The following FUT8 variants were observed in gnomAD, a reference collection of about 807,000 sequenced individuals.
The protein encoded by FUT8 is alpha-(1,6)-fucosyltransferase.
Under a neutral mutation model 71.3 loss-of-function variants are expected in FUT8, and 29 were observed. The ratio of observed to expected loss-of-function variants is 0.41; its 90% confidence interval spans 0.30 to 0.55. FUT8 has a LOEUF of 0.55. FUT8 is among the 20% of genes least tolerant of loss of function. The pLI is 0.34. For synonymous variants in FUT8, 254 were observed against 239.3 expected (o/e 1.06, Z -0.57); for missense variants, 544 against 702.1 (o/e 0.77, Z 2.55).
intron 6 of FUT8, among the ~76,000 whole-genome samples, chr14:65,644,613 G>A (rs1891035576): frequency 6.6e-6 from 1 of 152,072 alleles, no homozygotes; most frequent in East Asian, 1.9e-4. Flanking sequence ...CGCCTGCCTC[G>A]GCCTCCCAAA....
At chr14:65,415,140 T>G (rs1188219084) in intron 1 of FUT8, among the ~76,000 whole-genome samples, 1 of 152,312 alleles carries the variant, frequency 6.6e-6, no homozygotes, top group East Asian at 1.9e-4. Flanking sequence ...TGTTAACTTA[T>G]TATTTTTAAA....
At position 65,743,164 on chromosome 14, in the gene FUT8, T is replaced by G. The variant is rs1896587485; in HGVS notation, c.*754T>G. On this transcript the variant is annotated 3_prime_UTR_variant, in exon 11 of 11. Transcript: ENST00000673929. ...GGAATTTTGTAAAGTTTCTAGAATT[T>G]TATATCATTGGATGATATGTTGATC... 6.6e-6 allele frequency: 1 copy of G among 152,352 alleles called. No homozygotes were observed. Among genetic ancestry groups the G allele is most frequent in the Non-Finnish European group, 1.5e-5 (1 of 67,902 alleles). 9.4% of individuals were successfully genotyped at this position (152,352 alleles called of 1,614,324 possible).
chr14:65,513,932 G>A (rs1882532242), intron 2 of FUT8, among the ~76,000 whole-genome samples: 1 of 152,168 alleles, frequency 6.6e-6, no homozygotes, highest in Admixed American at 6.5e-5. Context: ...TGCACAGTGA[G>A]TTAACATATA....
intron 2 of FUT8, among the ~76,000 whole-genome samples, chr14:65,484,738 C>CT (rs1157043291): frequency 6.6e-6 from 1 of 152,114 alleles, no homozygotes; most frequent in African/African-American, 2.4e-5. Flanking sequence ...GTTAATCCAA[C>CT]TGTATGTTTC....
intron 7 of FUT8, among the ~76,000 whole-genome samples, chr14:65,686,778 C>A (rs1893307373): frequency 6.6e-6 from 1 of 152,102 alleles, no homozygotes; most frequent in African/African-American, 2.4e-5. Context: ...TTAAGAGAAG[C>A]TGTATTTCCA....
upstream of FUT8, among the ~76,000 whole-genome samples, chr14:65,408,293 T>C (rs964090572): frequency 3.9e-5 from 6 of 152,160 alleles, no homozygotes; most frequent in Non-Finnish European, 7.3e-5. Context: ...ACGCTGGCCA[T>C]GAACTGTTCT....
At chr14:65,464,598 T>A (rs74056787) in intron 2 of FUT8, among the ~76,000 whole-genome samples, 2,060 of 152,342 alleles carry the variant, frequency 0.014, 43 homozygotes, top group East Asian at 0.092. Context: ...AATACTTTTA[T>A]TGCATCTATT....
At position 65,605,321 on chromosome 14, in the gene FUT8, A is replaced by G. The variant is rs143482802; in HGVS notation, c.204-10657A>G. Among the ~76,000 whole-genome samples the G allele has an allele frequency of 2.8e-4, 42 of 151,972 alleles. No homozygotes were observed. The East Asian group carries it at 7.5e-3, about 27-fold the overall frequency. On this transcript the variant is annotated intron_variant, in intron 3 of 10. Coordinates refer to ENST00000673929, the MANE Select transcript of FUT8 (RefSeq NM_001371533.1). The stretch of plus-strand genomic sequence containing the variant: ...ATATGGGCTACCTTTAATGTATGTT[A>G]CGGGCTTAATTGCTTCCCCCACCCA...
chr14:65,426,684 GAAGA>G, intron 1 of FUT8, among the ~76,000 whole-genome samples: 1 of 152,148 alleles, frequency 6.6e-6, no homozygotes, highest in Non-Finnish European at 1.5e-5. Flanking sequence ...TTAAGAAATA[GAAGA>G]AAGGTCAGAG....
chr14:65,425,013 A>T (rs931116781), intron 1 of FUT8, among the ~76,000 whole-genome samples: 1 of 151,980 alleles, frequency 6.6e-6, no homozygotes, highest in Non-Finnish European at 1.5e-5. Context: ...ATATTTTCAA[A>T]TTGTCACAAA....
In FUT8 at chr14:65,573,772, T is replaced by G. The variant is rs577184033; in HGVS notation, c.203+12006T>G. On this transcript the variant is annotated intron_variant, in intron 3 of 10. Coordinates refer to ENST00000673929, the MANE Select transcript of FUT8 (RefSeq NM_001371533.1). ...AAAAATAGGGCGTCAGGTTTAGTGA[T>G]TCATTCATTTATTCTTTTAATTATT... 5.3e-5 allele frequency among the ~76,000 whole-genome samples: 8 copies of G among 152,218 alleles called. No homozygotes were observed. The South Asian group carries it at 1.7e-3, about 32-fold the overall frequency.
At position 65,655,409 on chromosome 14, in the gene FUT8, G is replaced by A. The variant is rs180947087; in HGVS notation, c.598-13834G>A. Among the ~76,000 whole-genome samples, 1,155 of 149,136 alleles carry A rather than the reference G, an allele frequency of 7.7e-3. 6 individuals are homozygous for A. Among genetic ancestry groups the A allele is most frequent in the Non-Finnish European group, 0.013 (860 of 67,632 alleles). On this transcript the variant is annotated intron_variant, in intron 6 of 10. Transcript: ENST00000673929. ...GAGAATGGCATGAACCTGGGAGGCG[G>A]AACTTGCAGTGAGCCGAGATCACGC...
Position 65,603,203 on chromosome 14 carries a change from G to T in FUT8, c.204-12775G>T, listed in dbSNP as rs1888399382. Among the ~76,000 whole-genome samples the T allele has an allele frequency of 1.3e-5, 2 of 151,920 alleles. No individual in the cohort carries two copies. Among genetic ancestry groups the T allele is most frequent in the Admixed American group, 6.6e-5 (1 of 15,238 alleles). On this transcript the variant is annotated intron_variant, in intron 3 of 10. Transcript: ENST00000673929. This position sits in a 1 kb window ranked among gnomAD's most constrained non-coding sequence, Gnocchi z 4.5. ...TTATTCTGCTACATGTGGCTTGCCA[G>T]TTATCCTGGCATCATTTGTTGCATA...
intron 1 of FUT8, among the ~76,000 whole-genome samples, chr14:65,427,616 T>A (rs992897495): frequency 6.6e-6 from 1 of 152,218 alleles, no homozygotes; most frequent in African/African-American, 2.4e-5. Context: ...ATTTTTTAAT[T>A]GCATTATTTG....
At chr14:65,631,908 C>T (rs1372310699) in intron 6 of FUT8, among the ~76,000 whole-genome samples, 3 of 148,166 alleles carry the variant, frequency 2.0e-5, no homozygotes, top group Non-Finnish European at 4.5e-5. Context: ...GCCTTTGTGT[C>T]CTCATTAGCT....
Position 65,733,220 on chromosome 14 carries a change from T to A in FUT8, c.1260-11T>A. On this transcript the variant is annotated splice_polypyrimidine_tract_variant and intron_variant, in intron 9 of 10. Coordinates refer to ENST00000673929, the MANE Select transcript of FUT8 (RefSeq NM_001371533.1). ...ATCTATGACCATCTATAAATTAATT[T>A]ATTTTTTCAGGTACCCCAATTATGA... is the stretch of plus-strand genomic sequence containing the variant. 3 of 1,564,672 alleles carry A rather than the reference T, an allele frequency of 1.9e-6. No homozygotes were observed. The highest frequency in any genetic ancestry group is 2.6e-6 in the Non-Finnish European group (3 of 1,143,722).
the FUT8 span, among the ~76,000 whole-genome samples, chr14:65,376,901 G>C: frequency 6.0e-4 from 91 of 152,210 alleles, 1 homozygote; most frequent in Non-Finnish European, 1.3e-4. Flanking sequence ...AGTTTCACGT[G>C]AGGGATAGAA....
chr14:65,482,321 T>A (rs970827548), intron 2 of FUT8, among the ~76,000 whole-genome samples: 1 of 152,080 alleles, frequency 6.6e-6, no homozygotes, highest in African/African-American at 2.4e-5. Context: ...CACTGACCTC[T>A]TTGTCTTTCT....
intron 2 of FUT8, among the ~76,000 whole-genome samples, chr14:65,530,444 A>G (rs966370937): frequency 3.2e-4 from 48 of 152,176 alleles, no homozygotes; most frequent in Admixed American, 1.2e-3. Flanking sequence ...TTACTGCTGC[A>G]TGGGTGAAGG....
Sources: allele counts gnomAD v4.1 joint callset (sites outside exome capture counted in the v4.1 genomes callset), GRCh38; gene constraint gnomAD v4.1.1; non-coding constraint Gnocchi (gnomAD v3.1); transcripts MANE v1.5; gene names NCBI Gene and HGNC (gene_info 2026-07-23, HGNC 2026-07-21).